The following ZBTB16 variants were observed in gnomAD, a reference collection of about 807,000 sequenced individuals.
The protein encoded by ZBTB16 is zinc finger and BTB domain containing 16, also known as zinc finger and BTB domain-containing protein 16.
ZBTB16 carries 8 observed loss-of-function variants against 56.8 expected under a neutral mutation model. The ratio of observed to expected loss-of-function variants is 0.14; its 90% CI spans 0.08 to 0.25. The LOEUF is 0.25. Among genes scored for constraint, ZBTB16 ranks in the 10% least tolerant of loss-of-function variants. ZBTB16 has a pLI of 1.00. For synonymous variants in ZBTB16, 363 were observed against 368.5 expected, an observed-to-expected ratio of 0.98 and a Z score of 0.17; for missense variants, 625 against 903.0, an observed-to-expected ratio of 0.69 and a Z score of 3.95.
chr11:114,222,429 C>T (rs1320863136), intron 4 of ZBTB16, among the ~76,000 whole-genome samples: 1 of 152,078 alleles, frequency 6.6e-6, no homozygotes, highest in Non-Finnish European at 1.5e-5. Flanking sequence ...GAGGGGGAAT[C>T]AGGAAGTGTA....
chr11:114,115,081 G>T (rs1941129503), intron 2 of ZBTB16, among the ~76,000 whole-genome samples: 1 of 152,122 alleles, frequency 6.6e-6, no homozygotes, highest in Non-Finnish European at 1.5e-5. Context: ...TAAGAGGGAG[G>T]TAGGAGAGGG....
chr11:114,226,689 T>A (rs969160923), intron 4 of ZBTB16, among the ~76,000 whole-genome samples: 1 of 152,128 alleles, frequency 6.6e-6, no homozygotes, highest in African/African-American at 2.4e-5. Flanking sequence ...GGGACCACGC[T>A]GCCCATGAGG....
chr11:114,082,150 C>T (rs909320795), intron 2 of ZBTB16, among the ~76,000 whole-genome samples: 16 of 150,922 alleles, frequency 1.1e-4, no homozygotes, highest in African/African-American at 3.6e-4. Flanking sequence ...TGCAGCTGTG[C>T]ATGCCCATAA....
chr11:114,226,808 A>G (rs183684349), intron 4 of ZBTB16, among the ~76,000 whole-genome samples: 1 of 152,260 alleles, frequency 6.6e-6, no homozygotes, highest in East Asian at 1.9e-4. Flanking sequence ...ACCTACTTGA[A>G]AGGAGGGTAG....
intron 4 of ZBTB16, among the ~76,000 whole-genome samples, chr11:114,201,835 GTAA>G (rs538958522): frequency 4.3e-4 from 65 of 152,234 alleles, no homozygotes; most frequent in African/African-American, 1.4e-3. Flanking sequence ...CTATTTTTGA[GTAA>G]TAATAATGAT....
intron 4 of ZBTB16, among the ~76,000 whole-genome samples, chr11:114,190,107 C>A (rs1168566164): frequency 3.3e-5 from 5 of 152,086 alleles, no homozygotes; most frequent in Non-Finnish European, 7.4e-5. Flanking sequence ...CTAGAATAGG[C>A]AAATCTATAG....
At chr11:114,206,350 G>C (rs1342293661) in intron 4 of ZBTB16, among the ~76,000 whole-genome samples, 1 of 152,254 alleles carries the variant, frequency 6.6e-6, no homozygotes, top group African/African-American at 2.4e-5. Flanking sequence ...CAGCAGGCTA[G>C]AGAGAGACAC....
intron 5 of ZBTB16, chr11:114,246,984 C>T: frequency 1.6e-6 from 1 of 641,064 alleles, no homozygotes; most frequent in South Asian, 1.8e-5. Context: ...CCTTGCCCCA[C>T]AGATGATCAT....
chr11:114,095,354 A>G lies in ZBTB16; in HGVS notation c.1268+30786A>G, dbSNP rs944339530. On this transcript the variant is annotated intron_variant, in intron 2 of 6. Transcript: ENST00000335953. The stretch of plus-strand genomic sequence containing the variant: ...CGGCTCACTGCAACCTCCGCCTCCC[A>G]GGTTCAAGCGACTATCCTGCCTCAG... Among the ~76,000 whole-genome samples the G allele has an allele frequency of 1.1e-4, 15 of 137,168 alleles. No homozygotes were observed. In the East Asian group the frequency reaches 3.3e-3, roughly 31 times the overall value. The allele number at this position is 137,168 out of a possible 152,430, so 90.0% of individuals were successfully genotyped here. A position where few individuals can be genotyped will look rare whatever the true frequency, so the allele number is the denominator to read the frequency against.
chr11:114,209,820 G>A, intron 4 of ZBTB16: 2 of 985,430 alleles, frequency 2.0e-6, no homozygotes, highest in South Asian at 4.7e-5. Flanking sequence ...AGGCATTTCT[G>A]ATCAGAGTTC....
intron 4 of ZBTB16, among the ~76,000 whole-genome samples, chr11:114,204,980 A>C (rs1943824589): frequency 6.6e-6 from 1 of 152,174 alleles, no homozygotes; most frequent in Admixed American, 6.5e-5. Context: ...TATAGGCATC[A>C]ATTCATTTGC....
At chr11:114,083,187 C>T (rs182572081) in intron 2 of ZBTB16, among the ~76,000 whole-genome samples, 20 of 152,232 alleles carry the variant, frequency 1.3e-4, no homozygotes, top group African/African-American at 2.6e-4. Flanking sequence ...CCTTGGGCTA[C>T]GGGTGTTTGG....
chr11:114,219,229 A>G (rs1259672832), intron 4 of ZBTB16, among the ~76,000 whole-genome samples: 3 of 152,222 alleles, frequency 2.0e-5, no homozygotes, highest in Non-Finnish European at 4.4e-5. Flanking sequence ...CCCATGGGTC[A>G]GAGTTCCCTT....
At chr11:114,209,593 G>C in intron 4 of ZBTB16, 1 of 985,392 alleles carries the variant, frequency 1.0e-6, no homozygotes, top group Non-Finnish European at 1.2e-6. Flanking sequence ...TTCTTGCAAG[G>C]CAACTGCCTC....
intron 2 of ZBTB16, among the ~76,000 whole-genome samples, chr11:114,091,622 C>T (rs901167045): frequency 1.3e-5 from 2 of 150,060 alleles, no homozygotes; most frequent in Non-Finnish European, 3.0e-5. Flanking sequence ...CCCTCCCTCC[C>T]TTCCTCCCTT....
chr11:114,076,035 G>A (rs1328271089), intron 2 of ZBTB16, among the ~76,000 whole-genome samples: 5 of 152,098 alleles, frequency 3.3e-5, no homozygotes, highest in Non-Finnish European at 7.4e-5. Context: ...AAATGGATGC[G>A]TTACTTTTGC....
chr11:114,192,246 A>G (rs1374924510), intron 4 of ZBTB16, among the ~76,000 whole-genome samples: 1 of 152,204 alleles, frequency 6.6e-6, no homozygotes, highest in East Asian at 1.9e-4. Context: ...TCAGGTTTCC[A>G]GGAGTCAGGA....
At chr11:114,082,562 A>G (rs140220837) in intron 2 of ZBTB16, among the ~76,000 whole-genome samples, 7 of 152,322 alleles carry the variant, frequency 4.6e-5, no homozygotes, top group Middle Eastern at 3.4e-3. Flanking sequence ...TGTGACATCC[A>G]CTAGGCATGT....
At chr11:114,246,096 G>T (rs1944810729) in intron 5 of ZBTB16, among the ~76,000 whole-genome samples, 1 of 152,040 alleles carries the variant, frequency 6.6e-6, no homozygotes, top group African/African-American at 2.4e-5. Context: ...TTTAAGAGTG[G>T]GATCCTCAAA....
Sources: gnomAD v4.1 joint callset for allele counts (sites outside exome capture counted in the v4.1 genomes callset) on GRCh38, gnomAD v4.1.1 for gene constraint, MANE v1.5 for transcripts, NCBI Gene and HGNC (gene_info 2026-07-23, HGNC 2026-07-21) for gene names.